Variants in CNOT1 observed in about 807,000 individuals in gnomAD.
CNOT1 encodes CCR4-NOT transcription complex subunit 1, also known as CCR4-associated factor 1.
CNOT1 carries 15 observed loss-of-function variants against 273.8 expected under a neutral mutation model. That is an observed-to-expected ratio of 0.05 (90% CI 0.04 to 0.08). The LOEUF (loss-of-function observed/expected upper bound fraction) is 0.08, where lower values mean the gene tolerates loss of function less well. Ranked by LOEUF, CNOT1 falls within the 10% of genes least tolerant of loss-of-function variation. The pLI is 1.00. For synonymous variants in CNOT1, 1,022 were observed against 1,005.5 expected (o/e 1.02, Z -0.31); for missense variants, 1,644 against 2,912.2 (o/e 0.56, Z 10.02).
At position 58,542,243 on chromosome 16, in the gene CNOT1, T is replaced by C. The variant is rs1334846260; in HGVS notation, c.4668A>G (p.Gln1556=). 2 of 1,614,086 alleles carry C rather than the reference T, an allele frequency of 1.2e-6. No homozygotes were observed. Among genetic ancestry groups the C allele is most frequent in the Admixed American group, 3.3e-5 (2 of 59,998 alleles). Residue 1556 remains glutamine, a synonymous_variant, in exon 33 of 49, where the codon CAA becomes CAG. Coordinates refer to ENST00000317147, the MANE Select transcript of CNOT1 (RefSeq NM_016284.5). ...LTYQAERMPE[Q]IRLKVGGVDP... ...CCCCAATTCTCACTTTCAGCCTGAT[T>C]TGCTCTGGCATCCGTTCAGCTTGAT...
At chr16:58,550,537 T>C (rs1288229530) in intron 24 of CNOT1, among the ~76,000 whole-genome samples, 1 of 152,212 alleles carries the variant, frequency 6.6e-6, no homozygotes, top group Non-Finnish European at 1.5e-5. Flanking sequence ...TTTATTCTTT[T>C]TTCTAGTTTA....
intron 1 of CNOT1, among the ~76,000 whole-genome samples, chr16:58,613,062 C>T (rs1467795982): frequency 1.3e-5 from 2 of 151,952 alleles, no homozygotes; most frequent in East Asian, 1.9e-4. Context: ...TTTTCAGACT[C>T]GCTCTGTCAC....
intron 1 of CNOT1, among the ~76,000 whole-genome samples, chr16:58,608,359 C>A (rs2042763030): frequency 6.6e-6 from 1 of 151,582 alleles, no homozygotes. Context: ...GTTCGAGACA[C>A]CCTGGCCAAC....
At chr16:58,535,892 C>A (rs1429445012) in intron 39 of CNOT1, among the ~76,000 whole-genome samples, 1 of 152,020 alleles carries the variant, frequency 6.6e-6, no homozygotes, top group African/African-American at 2.4e-5. Flanking sequence ...CGCCACCACA[C>A]CCGGCTAATT....
At chr16:58,627,403 C>CAAAAAAAAAAAAAAAAAAA (rs754338444) in intron 1 of CNOT1, among the ~76,000 whole-genome samples, 1 of 65,168 alleles carries the variant, frequency 1.5e-5, no homozygotes, top group Admixed American at 2.3e-4. Context: ...GACTCCATCT[C>CAAAAAAAAAAAAAAAAAAA]AAAAAAAAAA....
intron 1 of CNOT1, among the ~76,000 whole-genome samples, chr16:58,613,188 C>G (rs996371262): frequency 6.6e-6 from 1 of 152,074 alleles, no homozygotes; most frequent in African/African-American, 2.4e-5. Context: ...TGCGCCAACA[C>G]GCCCAGCTAA....
chr16:58,587,461 G>T lies in CNOT1; in HGVS notation c.310-48C>A, dbSNP rs370671073. The T allele has an allele frequency of 2.2e-5, 35 of 1,608,016 alleles. 1 individual carries two copies. The highest frequency in any genetic ancestry group is 2.1e-4 in the Middle Eastern group (1 of 4,664). On this transcript the variant is annotated intron_variant, in intron 4 of 48. Transcript: ENST00000317147. ...TTAAAATAAGAACTTACTTTTTCAA[G>T]AAGTTTTTAACAACCTATCTGTTTG...
At position 58,538,202 on chromosome 16, in the gene CNOT1, T is replaced by A; in HGVS notation, c.5200A>T (p.Asn1734Tyr). 6.5e-7 allele frequency: 1 copy of A among 1,531,544 alleles called. No homozygotes were observed. The highest frequency in any genetic ancestry group is 9.1e-7 in the Non-Finnish European group (1 of 1,104,470). 94.9% of individuals were successfully genotyped at this position (1,531,544 alleles called of 1,614,324 possible). Reference protein sequence around the residue: ...NVEAVELLIRNHLVNMQQYDL... With the variant: ...NVEAVELLIRYHLVNMQQYDL... ...TACTGCTGCATATTAACCAAATGAT[T>A]GCGAATTAGCAGCTCCACAGCCTCC... Residue 1734 changes from asparagine to tyrosine, a missense_variant, in exon 37 of 49, where the codon AAT (asparagine) becomes TAT (tyrosine). Around this residue, in one of 13 missense-constraint regions of CNOT1, gnomAD observed 170 missense variants for 273.1 expected, o/e 0.62. Coordinates refer to ENST00000317147, the MANE Select transcript of CNOT1 (RefSeq NM_016284.5).
chr16:58,545,049 T>C (rs536624672), intron 30 of CNOT1, among the ~76,000 whole-genome samples: 1 of 152,224 alleles, frequency 6.6e-6, no homozygotes, highest in Non-Finnish European at 1.5e-5. Context: ...TAAAAAGCTA[T>C]GATATACATT....
In CNOT1 at chr16:58,537,936, G is replaced by T; in HGVS notation, c.5369C>A (p.Thr1790Asn). 1.9e-6 allele frequency: 3 copies of T among 1,614,146 alleles called. No individual in the cohort carries two copies. Among genetic ancestry groups the T allele is most frequent in the Non-Finnish European group, 2.5e-6 (3 of 1,180,014 alleles). Residue 1790 changes from threonine to asparagine, a missense_variant, in exon 38 of 49, where the codon ACC becomes AAC. By Grantham distance (65) the Thr-to-Asn change is moderately conservative. Around this residue, in one of 13 missense-constraint regions of CNOT1, gnomAD observed 133 missense variants for 328.2 expected, o/e 0.41. Coordinates refer to ENST00000317147, the MANE Select transcript of CNOT1 (RefSeq NM_016284.5). ...TEADLFHTIE[T>N]LMRINAHSRG... ...GGAATGAGCATTAATCCTCATGAGG[G>T]TTTCAATGGTGTGGAACAGATCTGC... is the stretch of plus-strand genomic sequence containing the variant.
chr16:58,543,292 C>G (rs1437579315), intron 31 of CNOT1: 8 of 1,547,004 alleles, frequency 5.2e-6, no homozygotes, highest in Non-Finnish European at 6.1e-6. Context: ...TTTCATCCTT[C>G]CTGGTTAACA....
chr16:58,624,087 T>C (rs1355870046), intron 1 of CNOT1, among the ~76,000 whole-genome samples: 1 of 152,148 alleles, frequency 6.6e-6, no homozygotes, highest in Non-Finnish European at 1.5e-5. Context: ...ACTCAATTTA[T>C]AGTCAGTTGG....
rs746530458 is a variant in CNOT1 at position 58,575,147 on chromosome 16, T to C, written c.1705-18A>G. On this transcript the variant is annotated intron_variant, in intron 14 of 48. Transcript: ENST00000317147. ...GACAAGGCCTAAAGGACAAAGCACA[T>C]TAGATAATGCAAATGGAGCAATTAA... 9 of 1,606,838 alleles carry C rather than the reference T, an allele frequency of 5.6e-6. No individual in the cohort carries two copies. The East Asian group carries it at 1.8e-4, about 32-fold the overall frequency.
intron 1 of CNOT1, among the ~76,000 whole-genome samples, chr16:58,608,125 G>A (rs1353780334): frequency 2.0e-5 from 3 of 151,948 alleles, no homozygotes; most frequent in Admixed American, 6.6e-5. Context: ...GCAAGGAGCC[G>A]AGATTATGCC....
rs77877899 is a variant in CNOT1 at position 58,606,954 on chromosome 16, G to A, written c.-174-7443C>T. On this transcript the variant is annotated intron_variant, in intron 1 of 48. Coordinates refer to ENST00000317147, the MANE Select transcript of CNOT1 (RefSeq NM_016284.5). Reference sequence around the variant, plus strand: ...GGGAAAGGATTATAAAATGGCATTCGCATTTTCACTAGAGAACACTATACA... The same window carrying A: ...GGGAAAGGATTATAAAATGGCATTCACATTTTCACTAGAGAACACTATACA... 6.8e-3 allele frequency among the ~76,000 whole-genome samples: 1,034 copies of A among 152,032 alleles called. 9 individuals are homozygous for A. Among genetic ancestry groups the A allele is most frequent in the African/African-American group, 0.023 (972 of 41,444 alleles).
chr16:58,612,846 A>G (rs1033405115), intron 1 of CNOT1, among the ~76,000 whole-genome samples: 2 of 152,206 alleles, frequency 1.3e-5, no homozygotes, highest in East Asian at 1.9e-4. Context: ...AATCTTAGTT[A>G]TAACTATTGT....
At chr16:58,532,501 A>T in intron 40 of CNOT1, 106 bp from the exon 41 acceptor site, 1 of 1,487,748 alleles carries the variant, frequency 6.7e-7, no homozygotes, top group Non-Finnish European at 8.9e-7. Flanking sequence ...CATTAAAGGA[A>T]AGCATATATA....
At chr16:58,575,662 G>A (rs755489082) in intron 14 of CNOT1, among the ~76,000 whole-genome samples, 1 of 152,122 alleles carries the variant, frequency 6.6e-6, no homozygotes, top group South Asian at 2.1e-4. Flanking sequence ...AGCCAGGTAC[G>A]TTGGCAGGCG....
At chr16:58,522,237 CAAAAAAAAAAAAAAAAAAAA>C (rs56149974) in intron 47 of CNOT1, among the ~76,000 whole-genome samples, 13 of 98,596 alleles carry the variant, frequency 1.3e-4, no homozygotes, top group Admixed American at 1.2e-3. Flanking sequence ...GAGACTGTCT[CAAAAAAAAAAAAAAAAAAAA>C]AAAAAAAAAA....
Sources: gnomAD v4.1 joint callset for allele counts (sites outside exome capture counted in the v4.1 genomes callset) on GRCh38, gnomAD v4.1.1 for gene constraint, gnomAD v4.1.1 regional missense constraint, MANE v1.5 for transcripts, NCBI Gene and HGNC (gene_info 2026-07-23, HGNC 2026-07-21) for gene names.